The following EXOC6 variants were observed in gnomAD, a reference collection of about 807,000 sequenced individuals.
EXOC6 encodes the protein exocyst complex component 6.
A neutral mutation model predicts 112.5 loss-of-function variants in EXOC6; 60 were observed. The ratio of observed to expected loss-of-function variants is 0.53; its 90% CI spans 0.43 to 0.66. The LOEUF is 0.66. EXOC6 is among the 30% of genes least tolerant of loss of function. EXOC6 has a pLI of 0.00. For synonymous variants in EXOC6, 295 were observed against 308.0 expected (o/e 0.96, Z 0.44); for missense variants, 855 against 957.1 (o/e 0.89, Z 1.41).
At chr10:92,939,212 G>C (rs1040898336) in intron 12 of EXOC6, among the ~76,000 whole-genome samples, 2 of 152,068 alleles carry the variant, frequency 1.3e-5, no homozygotes, top group Non-Finnish European at 2.9e-5. Context: ...GAAATTTTGA[G>C]AATCTGGGAA....
chr10:92,952,499 G>A (rs1334735436), intron 15 of EXOC6, 117 bp downstream of exon 15: 4 of 697,674 alleles, frequency 5.7e-6, no homozygotes. Context: ...TGGGGTACAT[G>A]TTTGTTATAG....
intron 4 of EXOC6, among the ~76,000 whole-genome samples, chr10:92,896,674 G>C (rs1445653745): frequency 6.6e-6 from 1 of 151,792 alleles, no homozygotes; most frequent in Non-Finnish European, 1.5e-5. Flanking sequence ...TGCAACCTCA[G>C]CCTCCCAAGT....
intron 12 of EXOC6, 142 bp downstream of exon 12, chr10:92,936,027 A>G (rs866054485): frequency 1.4e-5 from 8 of 586,170 alleles, no homozygotes; most frequent in African/African-American, 1.9e-5. Flanking sequence ...ATATTCTGCT[A>G]TTACCCAGGA....
intron 12 of EXOC6, among the ~76,000 whole-genome samples, chr10:92,938,172 A>G (rs1251877085): frequency 6.6e-6 from 1 of 152,146 alleles, no homozygotes; most frequent in Non-Finnish European, 1.5e-5. Context: ...AATCAAAGAA[A>G]AGTCAAAGAT....
At chr10:92,850,191 G>A (rs1211041047) in intron 1 of EXOC6, among the ~76,000 whole-genome samples, 1 of 152,188 alleles carries the variant, frequency 6.6e-6, no homozygotes, top group Non-Finnish European at 1.5e-5. Flanking sequence ...TTAGGAAAAT[G>A]TGCTAGGTAG....
intron 17 of EXOC6, among the ~76,000 whole-genome samples, chr10:92,972,597 A>T (rs1040489627): frequency 6.6e-6 from 1 of 152,110 alleles, no homozygotes; most frequent in African/African-American, 2.4e-5. Flanking sequence ...ATAGTATGTT[A>T]TGAGTGTACA....
intron 13 of EXOC6, among the ~76,000 whole-genome samples, chr10:92,947,190 T>C (rs1853075410): frequency 6.6e-6 from 1 of 152,204 alleles, no homozygotes; most frequent in Non-Finnish European, 1.5e-5. Context: ...TGGATGAACA[T>C]GTTTTATTCC....
In EXOC6 at chr10:92,952,389, T is replaced by A. The variant is rs781623457; in HGVS notation, c.1526+7T>A. On this transcript the variant is annotated splice_region_variant and intron_variant, in intron 15 of 21. Coordinates refer to ENST00000260762, the MANE Select transcript of EXOC6 (RefSeq NM_019053.6). ...CAGAGTCACTACACCGGAGGTGAGT[T>A]TACTAATCACAAATGCATTTTTGTC... 4 of 1,491,680 alleles carry A rather than the reference T, an allele frequency of 2.7e-6. No individual in the cohort carries two copies. In the East Asian group the frequency reaches 9.0e-5, roughly 34 times the overall value. The allele number at this position is 1,491,680 out of a possible 1,614,324, so 92.4% of individuals were successfully genotyped here.
intron 18 of EXOC6, among the ~76,000 whole-genome samples, chr10:92,981,565 A>G (rs1230331391): frequency 2.0e-5 from 3 of 152,186 alleles, no homozygotes; most frequent in African/African-American, 7.2e-5. Context: ...TAAATAGAAG[A>G]TATGGAATGA....
intron 9 of EXOC6, among the ~76,000 whole-genome samples, chr10:92,929,961 A>C (rs763995823): frequency 2.6e-5 from 4 of 152,240 alleles, no homozygotes; most frequent in Admixed American, 1.3e-4. Flanking sequence ...AGAAATCCAC[A>C]GAGTCAAGTC....
chr10:92,927,493 C>T (rs1452516053), intron 8 of EXOC6, among the ~76,000 whole-genome samples: 1 of 152,136 alleles, frequency 6.6e-6, no homozygotes, highest in Non-Finnish European at 1.5e-5. Flanking sequence ...GATAATGTAG[C>T]TGTTAGTTAT....
At chr10:92,917,866 A>G (rs1851193483) in intron 7 of EXOC6, among the ~76,000 whole-genome samples, 2 of 152,122 alleles carry the variant, frequency 1.3e-5, no homozygotes, top group Admixed American at 1.3e-4. Context: ...AGTTTTTTCT[A>G]CAGGGCTTGA....
At chr10:92,909,043 T>A (rs954048808) in intron 5 of EXOC6, among the ~76,000 whole-genome samples, 1 of 152,180 alleles carries the variant, frequency 6.6e-6, no homozygotes, top group East Asian at 1.9e-4. Context: ...GTGGTGATAC[T>A]GTGTGGATGG....
intron 18 of EXOC6, among the ~76,000 whole-genome samples, chr10:92,978,798 G>A (rs778803564): frequency 1.5e-4 from 23 of 152,118 alleles, no homozygotes; most frequent in Non-Finnish European, 2.8e-4. Context: ...AGCTTCAGAC[G>A]AAGCTTATCA....
intron 20 of EXOC6, among the ~76,000 whole-genome samples, chr10:93,054,182 T>C (rs945603084): frequency 8.5e-5 from 13 of 152,250 alleles, no homozygotes; most frequent in African/African-American, 3.1e-4. Context: ...ATTACTGCTT[T>C]ATTCCTATCT....
intron 18 of EXOC6, among the ~76,000 whole-genome samples, chr10:92,975,494 C>T (rs1315675155): frequency 1.4e-5 from 2 of 147,968 alleles, no homozygotes; most frequent in Middle Eastern, 3.5e-3. Flanking sequence ...CAGCCCCCCG[C>T]CCACCCAGCC....
intron 1 of EXOC6, among the ~76,000 whole-genome samples, chr10:92,826,958 G>C (rs949751811): frequency 1.3e-5 from 2 of 152,182 alleles, no homozygotes; most frequent in African/African-American, 4.8e-5. Context: ...AGGAGCAAGA[G>C]ATGACATCAG....
chr10:92,941,327 T>C (rs944488239), intron 13 of EXOC6, among the ~76,000 whole-genome samples: 1 of 152,226 alleles, frequency 6.6e-6, no homozygotes, highest in African/African-American at 2.4e-5. Context: ...AGTTCATCTG[T>C]TGATGGACAT....
chr10:92,976,184 T>C (rs1042265655), intron 18 of EXOC6, among the ~76,000 whole-genome samples: 1 of 151,928 alleles, frequency 6.6e-6, no homozygotes, highest in Non-Finnish European at 1.5e-5. Flanking sequence ...GCCCAACAGC[T>C]CATTGAGAAC....
Sources: gnomAD v4.1 joint callset for allele counts (sites outside exome capture counted in the v4.1 genomes callset) on GRCh38, gnomAD v4.1.1 for gene constraint, MANE v1.5 for transcripts, NCBI Gene and HGNC (gene_info 2026-07-23, HGNC 2026-07-21) for gene names.